The following ABR variants were observed in gnomAD, a reference collection of about 807,000 sequenced individuals.
ABR encodes the protein ABR activator of RhoGEF and GTPase, also known as active breakpoint cluster region-related protein.
In ABR, 35 loss-of-function variants were observed where a neutral mutation model predicts 107.2. That is an observed-to-expected ratio of 0.33 (90% CI 0.25 to 0.43). The LOEUF (loss-of-function observed/expected upper bound fraction) is 0.43, where lower values mean the gene tolerates loss of function less well. Among genes scored for constraint, ABR ranks in the 20% least tolerant of loss-of-function variants. The probability of loss-of-function intolerance (pLI) is 1.00; values close to 1 mark genes in which losing one functional copy is unlikely to be tolerated. For missense variants in ABR, 815 were observed against 1,115.2 expected (o/e 0.73, Z 3.83); for synonymous variants, 498 against 462.0 (o/e 1.08, Z -1.00).
At chr17:1,032,449 T>C (rs2072878951) in intron 16 of ABR, among the ~76,000 whole-genome samples, 1 of 152,110 alleles carries the variant, frequency 6.6e-6, no homozygotes, top group Admixed American at 6.5e-5. Flanking sequence ...ACGACGCGGG[T>C]CACACGTCCA....
At chr17:1,029,888 A>G (rs1422436193) in intron 16 of ABR, among the ~76,000 whole-genome samples, 2 of 150,816 alleles carry the variant, frequency 1.3e-5, no homozygotes, top group African/African-American at 2.4e-5. Flanking sequence ...CGTCCACGAC[A>G]CGGACACACT....
At position 1,010,763 on chromosome 17, in the gene ABR, C is replaced by T. The variant is rs199830277; in HGVS notation, c.2202G>A (p.Thr734=). The change falls in exon 20 of 23, where the codon ACG becomes ACA. Residue 734 remains threonine, a synonymous_variant. Coordinates refer to ENST00000302538, the MANE Select transcript of ABR (RefSeq NM_021962.5). The surrounding 1 kb of genome is among the most constrained non-coding windows in gnomAD (Gnocchi z 4.1). ...CCATGAAGGCTGGGTAGAGTCGGTC[C>T]GTGAGGAGCGGCTCGGGCAGTTCCC... is the stretch of plus-strand genomic sequence containing the variant. ...YFRELPEPLL[T]DRLYPAFMEG... The T allele has an allele frequency of 4.3e-6, 7 of 1,613,828 alleles. No homozygotes were observed. The highest frequency in any genetic ancestry group is 2.2e-5 in the East Asian group (1 of 44,880).
intron 16 of ABR, among the ~76,000 whole-genome samples, chr17:1,044,905 T>C (rs1278582020): frequency 6.6e-6 from 1 of 152,198 alleles, no homozygotes; most frequent in African/African-American, 2.4e-5. Flanking sequence ...GCAATTGCGC[T>C]GGCCGCTCTA....
chr17:1,122,533 G>C (rs2039399037), intron 2 of ABR, among the ~76,000 whole-genome samples: 1 of 152,206 alleles, frequency 6.6e-6, no homozygotes, highest in Non-Finnish European at 1.5e-5. Flanking sequence ...GCCTCCTCCA[G>C]CCTCCAGACT....
At chr17:1,190,595 G>A (rs907761337), upstream of ABR, among the ~76,000 whole-genome samples, 1 of 152,170 alleles carries the variant, frequency 6.6e-6, no homozygotes, top group African/African-American at 2.4e-5. Context: ...AGCTGAGATC[G>A]TGCCACTGCA....
chr17:1,216,078 T>C (rs908441777), intron 1 of ABR, among the ~76,000 whole-genome samples: 77 of 151,200 alleles, frequency 5.1e-4, no homozygotes, highest in Non-Finnish European at 9.3e-4. Flanking sequence ...ACCAGAGACC[T>C]TTGTTCACTT....
At chr17:1,173,978 G>C (rs1420118584) in intron 1 of ABR, among the ~76,000 whole-genome samples, 2 of 152,180 alleles carry the variant, frequency 1.3e-5, no homozygotes, top group Non-Finnish European at 2.9e-5. Context: ...ACACCCACGA[G>C]AGCCATCATG....
At chr17:1,025,538 CCT>C (rs2072126499) in intron 16 of ABR, among the ~76,000 whole-genome samples, 2 of 152,202 alleles carry the variant, frequency 1.3e-5, no homozygotes, top group African/African-American at 4.8e-5. Context: ...GCCGCCGTCC[CCT>C]GACCCCACGT....
chr17:1,085,114 T>TAGACTACTCGGGGAAG (rs1383858889), intron 4 of ABR, among the ~76,000 whole-genome samples: 1 of 145,304 alleles, frequency 6.9e-6, no homozygotes, highest in Admixed American at 6.9e-5. Context: ...TTAAAACTTT[T>TAGACTACTCGGGGAAG]TTTTTTTTTT....
chr17:1,038,664 C>A (rs2073382468), intron 16 of ABR, among the ~76,000 whole-genome samples: 1 of 152,224 alleles, frequency 6.6e-6, no homozygotes, highest in South Asian at 2.1e-4. Flanking sequence ...CGCCCCCAGG[C>A]CACGGCAAGG....
intron 22 of ABR, among the ~76,000 whole-genome samples, 165 bp from the exon 23 acceptor site, chr17:1,006,334 G>A (rs556190271): frequency 6.6e-6 from 1 of 152,222 alleles, no homozygotes; most frequent in Non-Finnish European, 1.5e-5. Context: ...AAGGTGCTAC[G>A]GGGCAGAGGG....
chr17:1,135,987 C>T lies in ABR; in HGVS notation c.62-10620G>A, dbSNP rs191804580. On this transcript the variant is annotated intron_variant, in intron 1 of 22. Transcript: ENST00000302538. ...TTTTTTTCTATTTCTGTGAAGAATA[C>T]CATTGTTTGAGCATTACTCCTAAAG... Among the ~76,000 whole-genome samples, 454 of 151,504 alleles carry T rather than the reference C, an allele frequency of 3.0e-3. 9 individuals carry two copies. The highest frequency in any genetic ancestry group is 1.7e-3 in the Non-Finnish European group (115 of 67,922).
At chr17:1,031,930 T>C in intron 16 of ABR, 1 of 855,256 alleles carries the variant, frequency 1.2e-6, no homozygotes, top group East Asian at 5.0e-5. Context: ...CTCCTCCGCA[T>C]CCCTCCTTCC....
At chr17:1,107,973 G>A (rs2038370856) in intron 2 of ABR, among the ~76,000 whole-genome samples, 3 of 152,160 alleles carry the variant, frequency 2.0e-5, no homozygotes, top group Admixed American at 2.0e-4. Flanking sequence ...TTCTGTGAGG[G>A]GCAGGGAGGC....
chr17:1,073,817 G>GC (rs2035457889), intron 6 of ABR, 140 bp from the exon 7 acceptor site: 1 of 679,782 alleles, frequency 1.5e-6, no homozygotes, highest in East Asian at 3.0e-5. Context: ...GCCCACGGCA[G>GC]CCCCCACCTC....
At position 1,127,038 on chromosome 17, in the gene ABR, G is replaced by A. The variant is rs144650747; in HGVS notation, c.62-1671C>T. On this transcript the variant is annotated intron_variant, in intron 1 of 22. Coordinates refer to ENST00000302538, the MANE Select transcript of ABR (RefSeq NM_021962.5). ...TGGAGAATGGTGTCAACAGGTCACC[G>A]GGACGCCTGGCCGTGGCCACACTCT... Among the ~76,000 whole-genome samples, 1,495 of 152,336 alleles carry A rather than the reference G, an allele frequency of 9.8e-3. 27 individuals carry two copies. The highest frequency in any genetic ancestry group is 1.0e-2 in the Non-Finnish European group (680 of 68,032).
chr17:1,187,972 T>G (rs543069081), upstream of ABR, among the ~76,000 whole-genome samples: 1 of 152,144 alleles, frequency 6.6e-6, no homozygotes, highest in African/African-American at 2.4e-5. Context: ...TCCCAGCACT[T>G]TGGGAGGCCA....
At chr17:1,056,130 C>CA in intron 13 of ABR, 21 bp from the exon 14 acceptor site, 4 of 1,611,768 alleles carry the variant, frequency 2.5e-6, no homozygotes, top group Non-Finnish European at 3.4e-6. Flanking sequence ...GAAAAGCCCC[C>CA]AGGGCAGAGG....
intron 16 of ABR, among the ~76,000 whole-genome samples, chr17:1,031,159 T>G (rs1216607075): frequency 6.6e-6 from 1 of 152,014 alleles, no homozygotes; most frequent in Non-Finnish European, 1.5e-5. Flanking sequence ...CCCACAATCC[T>G]GCACAGAGAA....
Sources: gnomAD v4.1 joint callset for allele counts (sites outside exome capture counted in the v4.1 genomes callset) on GRCh38, gnomAD v4.1.1 for gene constraint, Gnocchi (gnomAD v3.1) non-coding constraint, MANE v1.5 for transcripts, NCBI Gene and HGNC (gene_info 2026-07-23, HGNC 2026-07-21) for gene names.